HSPG2: variants seen among roughly 807,000 people sequenced by gnomAD.
HSPG2 encodes the protein heparan sulfate proteoglycan 2.
A neutral mutation model predicts 526.6 loss-of-function variants in HSPG2; 278 were observed. That is an observed-to-expected ratio of 0.53 (90% CI 0.48 to 0.58). HSPG2 has a LOEUF of 0.58. Among genes scored for constraint, HSPG2 ranks in the 20% least tolerant of loss-of-function variants. The pLI, the probability that HSPG2 is intolerant of heterozygous loss-of-function variation, is 0.00. For synonymous variants in HSPG2, 2,465 were observed against 2,555.4 expected, an observed-to-expected ratio of 0.96 and a Z score of 1.07; for missense variants, 5,354 against 6,099.5, an observed-to-expected ratio of 0.88 and a Z score of 4.07.
intron 12 of HSPG2, 21 bp downstream of exon 12, chr1:21,884,746 A>T: frequency 1.2e-6 from 2 of 1,612,832 alleles, no homozygotes; most frequent in Non-Finnish European, 1.7e-6. Flanking sequence ...ACACCCGGTG[A>T]CACCTGCCCT....
At chr1:21,912,848 C>A (rs1208885077) in intron 1 of HSPG2, among the ~76,000 whole-genome samples, 1 of 152,104 alleles carries the variant, frequency 6.6e-6, no homozygotes, top group African/African-American at 2.4e-5. Context: ...AGCATGGTGG[C>A]ATGTGCCTAT....
At chr1:21,846,635 T>C (rs1638460733) in intron 62 of HSPG2, 36 bp from the exon 63 acceptor site, 1 of 1,612,728 alleles carries the variant, frequency 6.2e-7, no homozygotes, top group South Asian at 1.1e-5. Context: ...GGCACAGCCG[T>C]TGTCAGATTT....
At chr1:21,891,128 G>C (rs1405959519) in intron 3 of HSPG2, among the ~76,000 whole-genome samples, 3 of 152,186 alleles carry the variant, frequency 2.0e-5, no homozygotes, top group Admixed American at 6.5e-5. Flanking sequence ...TGATCTTCCT[G>C]ATCTGCCCTG....
chr1:21,890,287 C>T lies in HSPG2; in HGVS notation c.413+140G>A, dbSNP rs1572378923. 4.7e-6 allele frequency: 6 copies of T among 1,264,156 alleles called. No homozygotes were observed. Among genetic ancestry groups the T allele is most frequent in the South Asian group, 2.4e-5 (2 of 83,602 alleles). 78.3% of individuals were successfully genotyped at this position (1,264,156 alleles called of 1,614,324 possible). On this transcript the variant is annotated intron_variant, in intron 5 of 96. Coordinates refer to ENST00000374695, the MANE Select transcript of HSPG2 (RefSeq NM_005529.7). The surrounding 1 kb of genome is among the most constrained non-coding windows in gnomAD (Gnocchi z 4.1). ...GCAACTAAAGGTCCCAATGATCCCC[C>T]GACCAATTCCTGAATTTCCACCCAC...
In HSPG2 at chr1:21,842,053, C is replaced by T. The variant is rs765977978; in HGVS notation, c.9142G>A (p.Gly3048Arg). The T allele has an allele frequency of 5.0e-6, 8 of 1,613,478 alleles. No individual in the cohort carries two copies. Among genetic ancestry groups the T allele is most frequent in the South Asian group, 4.4e-5 (4 of 91,094 alleles). The change falls in exon 69 of 97, where the codon GGG becomes AGG. Residue 3048 changes from glycine (G) to arginine (R), a missense_variant. Gly to Arg is a moderately radical substitution (Grantham distance 125, BLOSUM62 -2). Coordinates refer to ENST00000374695, the MANE Select transcript of HSPG2 (RefSeq NM_005529.7). The stretch of plus-strand genomic sequence containing the variant: ...CACTCGAGGCTGATGGGGGCTGCCC[C>T]GTCATGGATGAGGCACTTGAAGCTG... Reference protein sequence around the residue: ...DASFKCLIHDGAAPISLEWKT... With the variant: ...DASFKCLIHDRAAPISLEWKT...
intron 33 of HSPG2, among the ~76,000 whole-genome samples, chr1:21,868,329 C>A (rs954723066): frequency 6.6e-6 from 1 of 152,176 alleles, no homozygotes; most frequent in Admixed American, 6.5e-5. Context: ...TGAGCCACCA[C>A]GCCCAGCCTG....
intron 74 of HSPG2, among the ~76,000 whole-genome samples, chr1:21,837,754 C>T (rs951421249): frequency 6.6e-6 from 1 of 152,174 alleles, no homozygotes; most frequent in Non-Finnish European, 1.5e-5. Flanking sequence ...TACTGCGAGC[C>T]ACAGTTTTAC....
chr1:21,832,557 G>T lies in HSPG2; in HGVS notation c.11145C>A (p.Asn3715Lys), dbSNP rs1333150875. The T allele has an allele frequency of 6.2e-7, 1 of 1,614,102 alleles. No individual in the cohort carries two copies. Among genetic ancestry groups the T allele is most frequent in the Non-Finnish European group, 8.5e-7 (1 of 1,180,038 alleles). Residue 3715 changes from asparagine to lysine, a missense_variant, in exon 81 of 97, where the codon AAC becomes AAA. Coordinates refer to ENST00000374695, the MANE Select transcript of HSPG2 (RefSeq NM_005529.7). ...GQKRVPGSPT[N>K]LANRQPDFIS... is the part of the protein sequence containing the mutation. ...TGAAGTCGGGCTGCCGGTTGGCCAG[G>T]TTGGTGGGGCTCCCTGGGACTCGCT...
At position 21,847,018 on chromosome 1, in the gene HSPG2, A is replaced by G. The variant is rs1267682428; in HGVS notation, c.8164+336T>C. Among the ~76,000 whole-genome samples, 2 of 152,118 alleles carry G rather than the reference A, an allele frequency of 1.3e-5. No individual in the cohort carries two copies. The highest frequency in any genetic ancestry group is 2.9e-5 in the Non-Finnish European group (2 of 68,016). On this transcript the variant is annotated intron_variant, in intron 62 of 96. Transcript: ENST00000374695. The surrounding 1 kb of genome is among the most constrained non-coding windows in gnomAD (Gnocchi z 4.1). Reference sequence around the variant, plus strand: ...CCCTCTCAAAAAAAAAAAAATGATAATAATAGTTAACACTTATAAAGCACT... The same window carrying G: ...CCCTCTCAAAAAAAAAAAAATGATAGTAATAGTTAACACTTATAAAGCACT...
At position 21,847,387 on chromosome 1, in the gene HSPG2, T is replaced by C. The variant is rs2152712929; in HGVS notation, c.8131A>G (p.Ile2711Val). The change falls in exon 62 of 97, where the codon ATC (isoleucine) becomes GTC (valine). Residue 2711 changes from isoleucine to valine, a missense_variant. By Grantham distance (29) the Ile-to-Val change is conservative. Transcript: ENST00000374695. This position sits in a 1 kb window ranked among gnomAD's most constrained non-coding sequence, Gnocchi z 4.1. ...CTGCCGGCGCTAGGGGAGACGGAGA[T>C]GACGATGGAGGCCTCCAGGGCATCG... ...NIDALEASIV[I>V]SVSPSAGSPS... The C allele has an allele frequency of 6.2e-7, 1 of 1,613,954 alleles. No individual in the cohort carries two copies. Among genetic ancestry groups the C allele is most frequent in the Non-Finnish European group, 8.5e-7 (1 of 1,180,024 alleles).
At position 21,880,496 on chromosome 1, in the gene HSPG2, TCTGCAGCAC is replaced by T; in HGVS notation, c.2053_2061del (p.Val685_Gln687del). 6.2e-7 allele frequency: 1 copy of T among 1,613,764 alleles called. No homozygotes were observed. The highest frequency in any genetic ancestry group is 8.5e-7 in the Non-Finnish European group (1 of 1,180,004). On this transcript the variant is annotated inframe_deletion, in exon 16 of 97. Coordinates refer to ENST00000374695, the MANE Select transcript of HSPG2 (RefSeq NM_005529.7). ...GTCTGGATGAGCACGGCCTCCAGGC[TCTGCAGCAC>T]CTGCAGCAGCTCCGCGCGCTGCACC...
Position 21,833,552 on chromosome 1 carries a change from G to C in HSPG2, c.10893C>G (p.Val3631=). Residue 3631 remains valine (V), a synonymous_variant, in exon 79 of 97, where the codon GTC becomes GTG. Transcript: ENST00000374695. ...CGTAGGTACCTGCGTCCTGGGGTCGGACTGAGGGCAGCATCAGCATGTTGT... is the reference window on the plus strand; with the variant it reads ...CGTAGGTACCTGCGTCCTGGGGTCGCACTGAGGGCAGCATCAGCATGTTGT... The part of the protein sequence containing the change: ...LENNMLMLPS[V]RPQDAGTYVC... 1 of 1,614,190 alleles carries C rather than the reference G, an allele frequency of 6.2e-7. No individual in the cohort carries two copies. The highest frequency in any genetic ancestry group is 8.5e-7 in the Non-Finnish European group (1 of 1,180,016).
chr1:21,877,518 G>GAA (rs1322816054), intron 21 of HSPG2: 3 of 125,098 alleles, frequency 2.4e-5, no homozygotes, highest in African/African-American at 9.1e-5. Context: ...TTTTTTTTGA[G>GAA]ACGGAGTTTC....
chr1:21,908,495 C>A, intron 1 of HSPG2: 1 of 906,112 alleles, frequency 1.1e-6, no homozygotes, highest in Non-Finnish European at 1.9e-6. Context: ...CGCCAGCCTG[C>A]TCCACCCAGC....
intron 1 of HSPG2, among the ~76,000 whole-genome samples, chr1:21,913,810 G>C (rs1235285094): frequency 1.3e-5 from 2 of 152,250 alleles, no homozygotes; most frequent in African/African-American, 2.4e-5. Flanking sequence ...TGAAGGCTCT[G>C]ATCTCATAAA....
intron 1 of HSPG2, among the ~76,000 whole-genome samples, chr1:21,933,056 T>TA (rs1314266403): frequency 6.6e-6 from 1 of 151,668 alleles, no homozygotes; most frequent in Non-Finnish European, 1.5e-5. Context: ...CCTGTCTCTA[T>TA]AAAAAATACA....
rs372633230 is a variant in HSPG2, at chr1:21,848,774, C to T, written c.7606G>A (p.Val2536Ile). The change falls in exon 59 of 97, where the codon GTC becomes ATC. Residue 2536 changes from valine to isoleucine, a missense_variant. Val to Ile is a conservative substitution (Grantham distance 29). Coordinates refer to ENST00000374695, the MANE Select transcript of HSPG2 (RefSeq NM_005529.7). The surrounding 1 kb of genome is among the most constrained non-coding windows in gnomAD (Gnocchi z 4.9). ...GSHSQGVAYP[V>I]RIESSSASLA... is the part of the protein sequence containing the mutation. ...GAGGCTGAGGAGGACTCGATGCGGA[C>T]GGGGTACGCCACACCCTGGGCTGGG... 101 of 1,613,592 alleles carry T rather than the reference C, an allele frequency of 6.3e-5. 1 individual carries two copies. The highest frequency in any genetic ancestry group is 2.5e-4 in the East Asian group (11 of 44,854).
At position 21,887,428 on chromosome 1, in the gene HSPG2, A is replaced by G; in HGVS notation, c.950T>C (p.Leu317Pro). 6.2e-7 allele frequency: 1 copy of G among 1,613,922 alleles called. No individual in the cohort carries two copies. The highest frequency in any genetic ancestry group is 8.5e-7 in the Non-Finnish European group (1 of 1,179,938). ...CCCCTGCCGGTGCGCACCACAGTCT[A>G]GCTCATCGCTGCCGTCCTCGCAGTC... Reference protein sequence around the residue: ...QEDCEDGSDELDCGPPPPCEP... With the variant: ...QEDCEDGSDEPDCGPPPPCEP... The change falls in exon 8 of 97, where the codon CTA becomes CCA. Residue 317 changes from leucine (L) to proline (P), a missense_variant. Physicochemically the swap from Leu to Pro is moderately conservative, Grantham distance 98 (BLOSUM62 -3). Transcript: ENST00000374695. The surrounding 1 kb of genome is among the most constrained non-coding windows in gnomAD (Gnocchi z 5.0).
At position 21,865,196 on chromosome 1, in the gene HSPG2, C is replaced by T. The variant is rs1294580310; in HGVS notation, c.4395+89G>A. The T allele has an allele frequency of 1.6e-5, 24 of 1,520,300 alleles. No homozygotes were observed. Among genetic ancestry groups the T allele is most frequent in the African/African-American group, 1.2e-4 (9 of 72,950 alleles). 94.2% of individuals were successfully genotyped at this position (1,520,300 alleles called of 1,614,324 possible). ...GGGCTGCCAGGTGAAGGTTGGGGAG[C>T]GAGAGACAGGGTGGGTATCAAAGCC... On this transcript the variant is annotated intron_variant, in intron 35 of 96. Transcript: ENST00000374695. This position sits in a 1 kb window ranked among gnomAD's most constrained non-coding sequence, Gnocchi z 5.4.
Sources: gnomAD v4.1 joint callset for allele counts (sites outside exome capture counted in the v4.1 genomes callset) on GRCh38, gnomAD v4.1.1 for gene constraint, Gnocchi (gnomAD v3.1) non-coding constraint, MANE v1.5 for transcripts, NCBI Gene and HGNC (gene_info 2026-07-23, HGNC 2026-07-21) for gene names.